FABP6: variants seen among roughly 807,000 people sequenced by gnomAD.
The protein encoded by FABP6 is fatty acid binding protein 6, also known as gastrotropin.
Under a neutral mutation model 14.9 loss-of-function variants are expected in FABP6, and 13 were observed. That is an observed-to-expected ratio of 0.87 (90% CI 0.57 to 1.39). The LOEUF (loss-of-function observed/expected upper bound fraction) is 1.39. Among genes scored for constraint, FABP6 ranks in the 40% most tolerant of loss-of-function variants. The pLI is 0.00. For synonymous variants in FABP6, 75 were observed against 63.6 expected (o/e 1.18, Z -0.85); for missense variants, 161 against 167.2 (o/e 0.96, Z 0.20).
chr5:160,198,908 C>T, intron 1 of FABP6: 2 of 587,330 alleles, frequency 3.4e-6, no homozygotes, highest in South Asian at 2.1e-5. Context: ...AGGGACCTCA[C>T]GTGTTTCTTC....
chr5:160,226,951 T>G (rs1435417079), upstream of FABP6, among the ~76,000 whole-genome samples: 1 of 152,220 alleles, frequency 6.6e-6, no homozygotes, highest in Non-Finnish European at 1.5e-5. Context: ...TGGGAATTCA[T>G]CCTTAGCAAG....
chr5:160,224,053 G>A (rs1446285192), intron 3 of FABP6, among the ~76,000 whole-genome samples: 1 of 151,846 alleles, frequency 6.6e-6, no homozygotes, highest in Non-Finnish European at 1.5e-5. Flanking sequence ...TGGCTAACAC[G>A]GTGAAACCCT....
chr5:160,190,375 G>C (rs1484393556), intron 1 of FABP6, among the ~76,000 whole-genome samples: 2 of 152,124 alleles, frequency 1.3e-5, no homozygotes. Context: ...TGGGATTACA[G>C]GCATGCACCA....
chr5:160,203,230 G>A (rs887145400), intron 2 of FABP6, among the ~76,000 whole-genome samples: 12 of 152,146 alleles, frequency 7.9e-5, no homozygotes, highest in African/African-American at 2.7e-4. Context: ...GCAGAAAAAT[G>A]TTGAAGAAAG....
At chr5:160,220,627 T>C (rs1415753086) in intron 3 of FABP6, among the ~76,000 whole-genome samples, 1 of 151,816 alleles carries the variant, frequency 6.6e-6, no homozygotes, top group Non-Finnish European at 1.5e-5. Flanking sequence ...TAATAATAAA[T>C]AAGGCTTTGC....
chr5:160,207,181 C>T (rs1759786003), intron 2 of FABP6, among the ~76,000 whole-genome samples: 1 of 152,188 alleles, frequency 6.6e-6, no homozygotes, highest in Non-Finnish European at 1.5e-5. Context: ...GAGGATATGA[C>T]AGAAGATGAG....
At chr5:160,227,818 A>ATGTGTGTG (rs776387001), upstream of FABP6, among the ~76,000 whole-genome samples, 2,985 of 130,242 alleles carry the variant, frequency 0.023, 40 homozygotes, top group African/African-American at 0.041. Flanking sequence ...AAAATCCATG[A>ATGTGTGTG]CGTGTGTGTG....
At chr5:160,218,415 G>A (rs1035640290) in intron 3 of FABP6, among the ~76,000 whole-genome samples, 6 of 150,780 alleles carry the variant, frequency 4.0e-5, no homozygotes, top group Non-Finnish European at 5.9e-5. Flanking sequence ...GTGTCTCATT[G>A]TGGATAAACA....
intron 2 of FABP6, among the ~76,000 whole-genome samples, chr5:160,210,215 T>C (rs1759858493): frequency 6.6e-6 from 1 of 152,218 alleles, no homozygotes; most frequent in East Asian, 1.9e-4. Context: ...TTCACCTGGT[T>C]ACCAGGAGAT....
chr5:160,193,961 G>A (rs1195764895), intron 1 of FABP6, among the ~76,000 whole-genome samples: 1 of 152,238 alleles, frequency 6.6e-6, no homozygotes, highest in Non-Finnish European at 1.5e-5. Context: ...CGCTCGTCGG[G>A]GAGGCTCGGG....
At chr5:160,227,651 C>A (rs1429565531), upstream of FABP6, among the ~76,000 whole-genome samples, 2 of 151,600 alleles carry the variant, frequency 1.3e-5, no homozygotes, top group Non-Finnish European at 2.9e-5. Flanking sequence ...ACACACGGCA[C>A]TCCAGCCTGG....
intron 2 of FABP6, among the ~76,000 whole-genome samples, chr5:160,200,942 C>T (rs1759625012): frequency 6.6e-6 from 1 of 152,198 alleles, no homozygotes; most frequent in Non-Finnish European, 1.5e-5. Context: ...TGGCAATCCT[C>T]TGACCCAGTT....
At chr5:160,229,384 C>T (rs1362351725), upstream of FABP6, 4 of 1,441,574 alleles carry the variant, frequency 2.8e-6, no homozygotes, top group East Asian at 7.2e-5. Flanking sequence ...CCAGGTCCTG[C>T]CCACATCATA....
At chr5:160,230,470 C>G (rs1302521273) in intron 1 of FABP6, among the ~76,000 whole-genome samples, 1 of 152,168 alleles carries the variant, frequency 6.6e-6, no homozygotes, top group East Asian at 1.9e-4. Flanking sequence ...CAGCAATTCT[C>G]CTACCTCAGC....
chr5:160,189,541 C>G (rs1759356004), intron 1 of FABP6, among the ~76,000 whole-genome samples: 1 of 152,136 alleles, frequency 6.6e-6, no homozygotes, highest in Non-Finnish European at 1.5e-5. Flanking sequence ...CCGCGTCAGG[C>G]CAAGAAATTG....
intron 3 of FABP6, among the ~76,000 whole-genome samples, chr5:160,237,960 GCT>G (rs1376274925): frequency 6.6e-6 from 1 of 152,106 alleles, no homozygotes; most frequent in African/African-American, 2.4e-5. Flanking sequence ...CTCTCCCACA[GCT>G]CTCTGTTTGC....
chr5:160,233,486 G>C (rs1760437428), intron 2 of FABP6, among the ~76,000 whole-genome samples: 2 of 152,204 alleles, frequency 1.3e-5, no homozygotes, highest in Admixed American at 1.3e-4. Flanking sequence ...CTGTGGTGAA[G>C]ATTAAACAAG....
intron 3 of FABP6, among the ~76,000 whole-genome samples, chr5:160,215,097 C>A (rs975442220): frequency 3.3e-5 from 5 of 152,118 alleles, no homozygotes; most frequent in Middle Eastern, 3.2e-3. Flanking sequence ...TTTGTTTTCC[C>A]CATGTTGTGG....
At position 160,234,917 on chromosome 5, in the gene FABP6, T is replaced by C. The variant is rs377717730; in HGVS notation, c.333+8T>C. The C allele has an allele frequency of 6.2e-7, 1 of 1,607,684 alleles. No individual in the cohort carries two copies. Among genetic ancestry groups the C allele is most frequent in the South Asian group, 1.1e-5 (1 of 90,470 alleles). On this transcript the variant is annotated splice_region_variant and intron_variant, in intron 3 of 3. Coordinates refer to ENST00000402432, the MANE Select transcript of FABP6 (RefSeq NM_001445.3). ...GGTGACAAGCTGGTGGAGGTGAGTGTCATGCTGATTCCTGGGATGATTATT... is the reference window on the plus strand; with the variant it reads ...GGTGACAAGCTGGTGGAGGTGAGTGCCATGCTGATTCCTGGGATGATTATT...
Sources: allele counts gnomAD v4.1 joint callset (sites outside exome capture counted in the v4.1 genomes callset), GRCh38; gene constraint gnomAD v4.1.1; transcripts MANE v1.5; gene names NCBI Gene and HGNC (gene_info 2026-07-23, HGNC 2026-07-21).